CCDC57: variants seen among roughly 807,000 people sequenced by gnomAD.
CCDC57 encodes coiled-coil domain-containing protein 57.
A neutral mutation model predicts 118.9 loss-of-function variants in CCDC57; 118 were observed. The ratio of observed to expected loss-of-function variants is 0.99; its 90% CI spans 0.86 to 1.16. The LOEUF is 1.16. Among genes scored for constraint, CCDC57 ranks in the 50% most tolerant of loss-of-function variants. The pLI, the probability that CCDC57 is intolerant of heterozygous loss-of-function variation, is 0.00. For synonymous variants in CCDC57, 527 were observed against 532.9 expected (o/e 0.99, Z 0.15); for missense variants, 1,300 against 1,320.7 (o/e 0.98, Z 0.24).
In CCDC57 at chr17:82,201,709, GC is replaced by G; in HGVS notation, c.235del (p.Ala79ProfsTer14). On this transcript the variant is annotated frameshift_variant, in exon 3 of 20. Transcript: ENST00000665763. LOFTEE classifies it high-confidence loss of function. The stretch of plus-strand genomic sequence containing the variant: ...GGCCTCTTCCCACTCCCTGGCCTGG[GC>G]GAAGGCGGCGTCATAGCGCTCCAGC... 1.9e-6 allele frequency: 3 copies of G among 1,613,968 alleles called. No homozygotes were observed. The highest frequency in any genetic ancestry group is 2.5e-6 in the Non-Finnish European group (3 of 1,179,862).
chr17:82,181,614 A>G (rs1236813411), intron 9 of CCDC57, among the ~76,000 whole-genome samples: 7 of 152,248 alleles, frequency 4.6e-5, no homozygotes, highest in Non-Finnish European at 7.3e-5. Flanking sequence ...AAATCAGCCC[A>G]TAGAAACAGA....
chr17:82,128,637 A>G, intron 17 of CCDC57, 40 bp from the exon 17 acceptor site: 16 of 1,450,174 alleles, frequency 1.1e-5, no homozygotes, highest in Middle Eastern at 1.9e-4. Flanking sequence ...TGGTATTCAC[A>G]TGTACTGATG....
In CCDC57 at chr17:82,127,687, C is replaced by T; in HGVS notation, c.2899+5G>A. ...GGGCAGCTCCTGGGGAGGGCAGTCT[C>T]CTACCTGGAGTTGAGTCACCCTGGG... On this transcript the variant is annotated splice_donor_5th_base_variant and intron_variant, in intron 19 of 19. Coordinates refer to ENST00000665763, the Ensembl canonical transcript of CCDC57. 1 of 1,595,136 alleles carries T rather than the reference C, an allele frequency of 6.3e-7. No homozygotes were observed. The highest frequency in any genetic ancestry group is 8.5e-7 in the Non-Finnish European group (1 of 1,170,712).
At chr17:82,193,914 C>T in intron 6 of CCDC57, 68 bp downstream of exon 5, 2 of 1,575,436 alleles carry the variant, frequency 1.3e-6, no homozygotes, top group Non-Finnish European at 8.6e-7. Context: ...GGTAGAATCC[C>T]CCAGACTCCA....
chr17:82,135,572 C>T (rs2039035362), intron 16 of CCDC57, among the ~76,000 whole-genome samples: 1 of 152,084 alleles, frequency 6.6e-6, no homozygotes, highest in African/African-American at 2.4e-5. Flanking sequence ...TAAAAGAACC[C>T]AAAGATGACA....
At chr17:82,174,081 C>G (rs909900874) in intron 11 of CCDC57, among the ~76,000 whole-genome samples, 1 of 152,234 alleles carries the variant, frequency 6.6e-6, no homozygotes, top group Non-Finnish European at 1.5e-5. Context: ...TTGAGTCCAG[C>G]CAAGATGTGT....
intron 14 of CCDC57, among the ~76,000 whole-genome samples, chr17:82,161,769 T>C (rs9916231): frequency 0.46 from 70,300 of 151,534 alleles, 17,078 homozygotes; most frequent in East Asian, 0.88. Context: ...GTGTGGTTAT[T>C]GTACCGAGCT....
chr17:82,128,690 C>T, intron 17 of CCDC57, 93 bp from the exon 17 acceptor site: 1 of 1,003,398 alleles, frequency 1.0e-6, no homozygotes, highest in Non-Finnish European at 1.5e-6. Context: ...GAAGAAATGC[C>T]TTCCCACATT....
chr17:82,195,263 C>T, exon 5 of CCDC57: 1 of 1,587,244 alleles, frequency 6.3e-7, no homozygotes, highest in South Asian at 1.2e-5. Flanking sequence ...CCCCAGTTAC[C>T]TTAAGCTCCC....
At chr17:82,168,676 G>A (rs1400523885) in intron 13 of CCDC57, among the ~76,000 whole-genome samples, 2 of 152,058 alleles carry the variant, frequency 1.3e-5, no homozygotes, top group Non-Finnish European at 2.9e-5. Context: ...CCACGCGAAT[G>A]CTAATCAAAA....
At chr17:82,184,016 T>TGC (rs141760654) in intron 8 of CCDC57, 84 bp from the exon 8 acceptor site, 3,938 of 305,626 alleles carry the variant, frequency 0.013, 232 homozygotes, top group South Asian at 0.016. Context: ...CAAATACACA[T>TGC]GCGCGCGCGC....
At chr17:82,107,629 G>T (rs948244250) in intron 19 of CCDC57, 5 of 469,426 alleles carry the variant, frequency 1.1e-5, no homozygotes, top group African/African-American at 8.0e-5. Context: ...GCCCTGTTGT[G>T]ACAGGAGAAG....
chr17:82,157,943 C>T (rs1451033103), exon 15 of CCDC57: 14 of 1,553,688 alleles, frequency 9.0e-6, no homozygotes, highest in Non-Finnish European at 1.2e-5. Context: ...GGGGTTCCCG[C>T]AGCACCTAGG....
At chr17:82,163,321 ACAGACCCTCCGGCTTGACCAGCTTGGG>A (rs1000596104) in exon 14 of CCDC57, 4 of 1,613,560 alleles carry the variant, frequency 2.5e-6, no homozygotes, top group East Asian at 2.2e-5. Context: ...ACCAGCTTGG[ACAGACCCTCCGGCTTGACCAGCTTGGG>A]CAGACCCTCC....
intron 13 of CCDC57, among the ~76,000 whole-genome samples, chr17:82,164,575 C>T (rs1408474787): frequency 1.3e-5 from 2 of 151,988 alleles, no homozygotes; most frequent in African/African-American, 4.8e-5. Flanking sequence ...AAGCAAATGA[C>T]CAATATAATT....
intron 19 of CCDC57, among the ~76,000 whole-genome samples, chr17:82,110,300 G>T (rs1228115793): frequency 1.3e-5 from 2 of 151,970 alleles, no homozygotes. Flanking sequence ...ATTTTAAAAG[G>T]TAAGACTTCA....
intron 7 of CCDC57, among the ~76,000 whole-genome samples, chr17:82,190,406 A>G (rs2047520774): frequency 6.6e-6 from 1 of 152,146 alleles, no homozygotes; most frequent in Non-Finnish European, 1.5e-5. Context: ...TCTAAAACAC[A>G]TTAATCCAGT....
intron 1 of CCDC57, among the ~76,000 whole-genome samples, chr17:82,209,964 A>G (rs576039542): frequency 8.7e-4 from 133 of 152,290 alleles, no homozygotes; most frequent in African/African-American, 3.1e-3. Context: ...CTAAACTAAA[A>G]GGAACCAGGG....
intron 19 of CCDC57, chr17:82,113,669 A>G (rs1325696422): frequency 4.2e-6 from 3 of 716,766 alleles, no homozygotes; most frequent in South Asian, 3.0e-5. Context: ...CGTGGGGCCC[A>G]CACCTGTCAT....
Sources: allele counts gnomAD v4.1 joint callset (sites outside exome capture counted in the v4.1 genomes callset), GRCh38; gene constraint gnomAD v4.1.1; transcripts MANE v1.5; gene names NCBI Gene and HGNC (gene_info 2026-07-23, HGNC 2026-07-21).